EFCAB11: variants seen among roughly 807,000 people sequenced by gnomAD.
EFCAB11 encodes EF-hand calcium-binding domain-containing protein 11.
A neutral mutation model predicts 23.0 loss-of-function variants in EFCAB11; 14 were observed. The observed-to-expected ratio is 0.61, with a 90% confidence interval of 0.40 to 0.95. EFCAB11 has a LOEUF of 0.95. Among genes scored for constraint, EFCAB11 ranks in the 40% least tolerant of loss-of-function variants. EFCAB11 has a pLI of 0.00. For synonymous variants in EFCAB11, 65 were observed against 66.6 expected (o/e 0.98, Z 0.11); for missense variants, 198 against 195.8 (o/e 1.01, Z -0.07).
At chr14:89,822,174 C>G (rs1427983809) in intron 5 of EFCAB11, among the ~76,000 whole-genome samples, 1 of 152,154 alleles carries the variant, frequency 6.6e-6, no homozygotes, top group African/African-American at 2.4e-5. Context: ...GATGAAAACA[C>G]TAACTGCACC....
chr14:89,860,120 T>G (rs1887876057), intron 5 of EFCAB11, among the ~76,000 whole-genome samples: 1 of 152,100 alleles, frequency 6.6e-6, no homozygotes, highest in Admixed American at 6.5e-5. Flanking sequence ...TCCCAGCATT[T>G]TGGGAGGCCG....
chr14:89,947,369 G>C (rs1891019854), intron 3 of EFCAB11, among the ~76,000 whole-genome samples: 1 of 151,718 alleles, frequency 6.6e-6, no homozygotes, highest in Non-Finnish European at 1.5e-5. Flanking sequence ...TGCTAAGCTT[G>C]GAAACATGTT....
At chr14:89,941,220 G>A (rs867732499) in intron 3 of EFCAB11, among the ~76,000 whole-genome samples, 9 of 152,278 alleles carry the variant, frequency 5.9e-5, no homozygotes, top group South Asian at 2.1e-4. Flanking sequence ...GTGCTTGCTC[G>A]TGTTTTCCTA....
intron 5 of EFCAB11, among the ~76,000 whole-genome samples, chr14:89,806,790 T>C (rs942230611): frequency 3.3e-5 from 5 of 152,162 alleles, no homozygotes; most frequent in African/African-American, 9.7e-5. Context: ...GGCTAGATGA[T>C]TGCTAAGATT....
intron 3 of EFCAB11, among the ~76,000 whole-genome samples, chr14:89,940,631 C>G (rs1357877491): frequency 6.6e-6 from 1 of 152,070 alleles, no homozygotes; most frequent in African/African-American, 2.4e-5. Flanking sequence ...AAAGTAAGTT[C>G]CTGGAAAGCT....
intron 5 of EFCAB11, among the ~76,000 whole-genome samples, chr14:89,896,966 G>A (rs1207647727): frequency 6.6e-6 from 1 of 152,028 alleles, no homozygotes; most frequent in Non-Finnish European, 1.5e-5. Context: ...GCCTTGACAG[G>A]TCCTCCCGCC....
At chr14:89,800,655 T>C (rs1885746000) in intron 5 of EFCAB11, among the ~76,000 whole-genome samples, 1 of 152,180 alleles carries the variant, frequency 6.6e-6, no homozygotes, top group African/African-American at 2.4e-5. Flanking sequence ...CTTCTAGAAA[T>C]GTAGGCCCAA....
intron 1 of EFCAB11, chr14:89,954,257 A>T: frequency 7.7e-7 from 1 of 1,294,590 alleles, no homozygotes; most frequent in Non-Finnish European, 1.1e-6. Flanking sequence ...CATTTAGGCC[A>T]CTGAGATAAA....
At chr14:89,932,382 CA>C (rs1231703861) in intron 4 of EFCAB11, 143 bp downstream of exon 4, 3 of 616,608 alleles carry the variant, frequency 4.9e-6, no homozygotes, top group Non-Finnish European at 5.5e-6. Context: ...AAAAAATGTG[CA>C]TCAATACCTA....
intron 5 of EFCAB11, among the ~76,000 whole-genome samples, chr14:89,877,340 C>T (rs962201064): frequency 6.6e-6 from 1 of 151,956 alleles, no homozygotes; most frequent in Non-Finnish European, 1.5e-5. Flanking sequence ...ACCCGGCCAA[C>T]CAAAAGTATT....
chr14:89,937,828 T>C (rs1890641603), intron 3 of EFCAB11, among the ~76,000 whole-genome samples: 1 of 152,044 alleles, frequency 6.6e-6, no homozygotes, highest in African/African-American at 2.4e-5. Flanking sequence ...CTGGCCAACA[T>C]GTACATATTT....
chr14:89,926,153 T>A (rs529367616), intron 5 of EFCAB11, among the ~76,000 whole-genome samples: 126 of 152,278 alleles, frequency 8.3e-4, no homozygotes, highest in African/African-American at 2.9e-3. Flanking sequence ...AAGTCTCAAA[T>A]TTTGAAATCC....
chr14:89,923,782 G>A, intron 5 of EFCAB11: 1 of 985,372 alleles, frequency 1.0e-6, no homozygotes, highest in Non-Finnish European at 1.2e-6. Flanking sequence ...AATAATGACT[G>A]GAAATTTTCT....
chr14:89,802,470 C>T (rs1048657046), intron 5 of EFCAB11, among the ~76,000 whole-genome samples: 3 of 152,174 alleles, frequency 2.0e-5, no homozygotes, highest in Non-Finnish European at 4.4e-5. Flanking sequence ...TGGCTCACTG[C>T]AACCTCTGCC....
intron 5 of EFCAB11, among the ~76,000 whole-genome samples, chr14:89,803,441 T>C (rs1885853590): frequency 6.6e-6 from 1 of 152,178 alleles, no homozygotes; most frequent in Admixed American, 6.5e-5. Context: ...CAGATAGTAA[T>C]TATTTTGAGT....
intron 5 of EFCAB11, among the ~76,000 whole-genome samples, chr14:89,901,706 T>C (rs1304580002): frequency 6.6e-6 from 1 of 152,084 alleles, no homozygotes; most frequent in Non-Finnish European, 1.5e-5. Flanking sequence ...CATAAATATA[T>C]AATACAATAT....
intron 5 of EFCAB11, among the ~76,000 whole-genome samples, chr14:89,875,460 C>T (rs138832131): frequency 1.6e-4 from 25 of 152,122 alleles, no homozygotes; most frequent in African/African-American, 5.5e-4. Context: ...TAAGATAGCA[C>T]GGGTCAAGAA....
intron 3 of EFCAB11, among the ~76,000 whole-genome samples, chr14:89,947,595 T>C (rs1891026061): frequency 6.6e-6 from 1 of 152,230 alleles, no homozygotes; most frequent in East Asian, 1.9e-4. Flanking sequence ...TACTCATCAG[T>C]TATGCCACCT....
intron 5 of EFCAB11, among the ~76,000 whole-genome samples, chr14:89,930,864 A>C (rs938757593): frequency 6.6e-6 from 1 of 152,198 alleles, no homozygotes; most frequent in African/African-American, 2.4e-5. Flanking sequence ...GTTGATGAAG[A>C]GCTCATGCTG....
Sources: gnomAD v4.1 joint callset for allele counts (sites outside exome capture counted in the v4.1 genomes callset) on GRCh38, gnomAD v4.1.1 for gene constraint, MANE v1.5 for transcripts, NCBI Gene and HGNC (gene_info 2026-07-23, HGNC 2026-07-21) for gene names.